The following RFC3 variants were observed in gnomAD, a reference collection of about 807,000 sequenced individuals.
RFC3 encodes the protein A1 38 kDa subunit.
RFC3 carries 41 observed loss-of-function variants against 45.1 expected under a neutral mutation model. That is an observed-to-expected ratio of 0.91 (90% CI 0.71 to 1.18). The LOEUF (loss-of-function observed/expected upper bound fraction) is 1.18. Among genes scored for constraint, RFC3 ranks in the 50% most tolerant of loss-of-function variants. The pLI, the probability that RFC3 is intolerant of heterozygous loss-of-function variation, is 0.00. For synonymous variants in RFC3, 149 were observed against 144.0 expected, an observed-to-expected ratio of 1.03 and a Z score of -0.25; for missense variants, 423 against 428.1, an observed-to-expected ratio of 0.99 and a Z score of 0.10.
chr13:33,881,494 A>G (rs542647087), intron 8 of RFC3, among the ~76,000 whole-genome samples: 1 of 151,828 alleles, frequency 6.6e-6, no homozygotes, highest in Non-Finnish European at 1.5e-5. Flanking sequence ...ATTCTGGCTC[A>G]CCTGAATGTC....
At chr13:33,831,735 A>G (rs773985432) in intron 7 of RFC3, among the ~76,000 whole-genome samples, 1 of 152,234 alleles carries the variant, frequency 6.6e-6, no homozygotes, top group Non-Finnish European at 1.5e-5. Context: ...ATCATGTGCT[A>G]GAAAGACACC....
rs908362647 is a variant in RFC3, at chr13:33,905,157, G to T, written c.880-60930G>T. Among the ~76,000 whole-genome samples the T allele has an allele frequency of 2.0e-5, 3 of 151,122 alleles. 1 individual carries two copies. Among genetic ancestry groups the T allele is most frequent in the Admixed American group, 2.0e-4 (3 of 15,212 alleles). On this transcript the variant is annotated intron_variant, in intron 8 of 8. Coordinates refer to the RFC3 transcript ENST00000434425. ...CACATTTTAACATCTCTGAAATCAG[G>T]ATAGGCCTACAATCACAGATAGCCA...
intron 8 of RFC3, among the ~76,000 whole-genome samples, chr13:33,902,520 G>A (rs7334525): frequency 3.3e-5 from 5 of 151,900 alleles, no homozygotes; most frequent in Admixed American, 6.6e-5. Flanking sequence ...TAATTGTTCC[G>A]TATTTTATTC....
chr13:33,883,488 A>G (rs752546653), intron 8 of RFC3, among the ~76,000 whole-genome samples: 1 of 152,120 alleles, frequency 6.6e-6, no homozygotes, highest in Non-Finnish European at 1.5e-5. Context: ...ACATTAACCT[A>G]TATATAACTA....
At chr13:33,824,280 C>T (rs988751384) in intron 3 of RFC3, among the ~76,000 whole-genome samples, 1 of 152,098 alleles carries the variant, frequency 6.6e-6, no homozygotes, top group African/African-American at 2.4e-5. Context: ...TATGTTGGCT[C>T]ATTCATTACT....
At chr13:33,879,433 G>C (rs2082467962) in intron 8 of RFC3, among the ~76,000 whole-genome samples, 1 of 152,058 alleles carries the variant, frequency 6.6e-6, no homozygotes, top group African/African-American at 2.4e-5. Context: ...CTCAGCTCAA[G>C]ACCTGCTCTC....
At chr13:33,950,535 A>G (rs976897148) in intron 8 of RFC3, among the ~76,000 whole-genome samples, 2 of 152,196 alleles carry the variant, frequency 1.3e-5, no homozygotes, top group Non-Finnish European at 2.9e-5. Context: ...TTTCACCAAA[A>G]TTTCTAAGTT....
At chr13:33,888,881 G>T (rs992316842) in intron 8 of RFC3, among the ~76,000 whole-genome samples, 5 of 151,912 alleles carry the variant, frequency 3.3e-5, no homozygotes, top group African/African-American at 1.2e-4. Flanking sequence ...GAGTAGCTGG[G>T]ACTACAGGCG....
chr13:33,843,370 C>T (rs1395091859), intron 8 of RFC3, among the ~76,000 whole-genome samples: 1 of 152,212 alleles, frequency 6.6e-6, no homozygotes, highest in Non-Finnish European at 1.5e-5. Context: ...ATCTAAATTG[C>T]AGCCTAATGC....
chr13:33,874,425 C>G (rs945583351), intron 8 of RFC3, among the ~76,000 whole-genome samples: 15 of 152,224 alleles, frequency 9.9e-5, no homozygotes, highest in African/African-American at 3.6e-4. Context: ...TCCAGCGATT[C>G]TCCTGCCTCA....
intron 8 of RFC3, among the ~76,000 whole-genome samples, chr13:33,871,074 G>A (rs1042783201): frequency 3.3e-5 from 5 of 152,186 alleles, no homozygotes; most frequent in African/African-American, 1.2e-4. Context: ...GAGAGGCAGT[G>A]TGACTTATTT....
At chr13:33,964,931 A>C (rs545177173) in intron 8 of RFC3, among the ~76,000 whole-genome samples, 1 of 152,332 alleles carries the variant, frequency 6.6e-6, no homozygotes, top group African/African-American at 2.4e-5. Flanking sequence ...GAGGGAGTGT[A>C]AACCTGGAGG....
intron 8 of RFC3, among the ~76,000 whole-genome samples, chr13:33,930,652 C>T (rs925245264): frequency 6.6e-6 from 1 of 152,272 alleles, no homozygotes; most frequent in Non-Finnish European, 1.5e-5. Flanking sequence ...ATCAAGTTGA[C>T]ACTCAGTATT....
chr13:33,867,739 T>A (rs2082382910), intron 8 of RFC3, among the ~76,000 whole-genome samples: 1 of 152,134 alleles, frequency 6.6e-6, no homozygotes, highest in African/African-American at 2.4e-5. Context: ...CCCACACCGG[T>A]TACTATGTTG....
chr13:33,837,512 T>C (rs2082166617), downstream of RFC3: 1 of 152,148 alleles, frequency 6.6e-6, no homozygotes, highest in Non-Finnish European at 1.5e-5. Context: ...GTGTAAGTCT[T>C]TTTGTGGACA....
At position 33,837,056 on chromosome 13, in the gene RFC3, T is replaced by C. The variant is rs572405706; in HGVS notation, c.*761T>C. The C allele has an allele frequency of 8.4e-5, 83 of 984,106 alleles. No homozygotes were observed. The highest frequency in any genetic ancestry group is 2.4e-4 in the African/African-American group (14 of 57,328). The allele number at this position is 984,106 out of a possible 1,614,324, so 61.0% of individuals were successfully genotyped here. A position where few individuals can be genotyped will look rare whatever the true frequency, so the allele number is the denominator to read the frequency against. On this transcript the variant is annotated 3_prime_UTR_variant, in exon 9 of 9. Transcript: ENST00000380071. ...TGGACCAAAGGGTTTACTTGACAAA[T>C]TTGTGTGACAGACTCCGAACAATTC...
chr13:33,960,249 A>G (rs2083048376), intron 8 of RFC3, among the ~76,000 whole-genome samples: 1 of 152,106 alleles, frequency 6.6e-6, no homozygotes. Context: ...AACAAAAATC[A>G]AGTGATGGTA....
chr13:33,961,650 C>T (rs188405312), intron 8 of RFC3, among the ~76,000 whole-genome samples: 13 of 152,328 alleles, frequency 8.5e-5, no homozygotes, highest in Non-Finnish European at 1.6e-4. Flanking sequence ...AAGCTGCTAA[C>T]TCATTTCTGG....
chr13:33,944,348 A>G (rs897859085), intron 8 of RFC3, among the ~76,000 whole-genome samples: 3 of 152,214 alleles, frequency 2.0e-5, no homozygotes, highest in Non-Finnish European at 4.4e-5. Flanking sequence ...TTAAGTAACA[A>G]TTCCTTCCAA....
Sources: allele counts gnomAD v4.1 joint callset (sites outside exome capture counted in the v4.1 genomes callset), GRCh38; gene constraint gnomAD v4.1.1; transcripts MANE v1.5; gene names NCBI Gene and HGNC (gene_info 2026-07-23, HGNC 2026-07-21).